UBE2D2: variants seen among roughly 807,000 people sequenced by gnomAD.
The protein encoded by UBE2D2 is ubiquitin-conjugating enzyme E2 D2.
Under a neutral mutation model 24.2 loss-of-function variants are expected in UBE2D2, and 2 were observed. The ratio of observed to expected loss-of-function variants is 0.08; its 90% CI spans 0.03 to 0.26. UBE2D2 has a LOEUF of 0.26. UBE2D2 is among the 10% of genes least tolerant of loss of function. UBE2D2 has a pLI of 1.00. For synonymous variants in UBE2D2, 58 were observed against 56.5 expected (o/e 1.03, Z -0.12); for missense variants, 44 against 177.6 (o/e 0.25, Z 4.28).
At chr5:139,608,946 G>A (rs1754255888) in intron 2 of UBE2D2, among the ~76,000 whole-genome samples, 1 of 152,026 alleles carries the variant, frequency 6.6e-6, no homozygotes, top group Non-Finnish European at 1.5e-5. Flanking sequence ...AATTAGTCAG[G>A]TGTGGTGGCA....
intron 1 of UBE2D2, 78 bp downstream of exon 1, chr5:139,561,893 G>T: frequency 7.0e-7 from 1 of 1,429,824 alleles, no homozygotes; most frequent in Non-Finnish European, 9.1e-7. Flanking sequence ...AGTCTCCGTC[G>T]GGCTCGCGGC....
chr5:139,616,092 C>T (rs892527031), intron 5 of UBE2D2, among the ~76,000 whole-genome samples: 1 of 150,654 alleles, frequency 6.6e-6, no homozygotes, highest in African/African-American at 2.4e-5. Context: ...CCTCGGCCTC[C>T]CAAAGCGCTG....
intron 1 of UBE2D2, among the ~76,000 whole-genome samples, chr5:139,580,012 C>T (rs1480250999): frequency 6.6e-6 from 1 of 150,432 alleles, no homozygotes. Context: ...TGCCGTTGCA[C>T]ACCTGCCTGG....
chr5:139,546,162 A>G (rs1174788463), intron 1 of UBE2D2, among the ~76,000 whole-genome samples: 3 of 145,430 alleles, frequency 2.1e-5, no homozygotes, highest in African/African-American at 2.6e-5. Context: ...TCCTGCCTCA[A>G]CCTCCCAAGT....
chr5:139,575,316 A>T (rs1753444046), intron 1 of UBE2D2, among the ~76,000 whole-genome samples: 1 of 152,146 alleles, frequency 6.6e-6, no homozygotes, highest in Non-Finnish European at 1.5e-5. Context: ...TAAGTTTTTA[A>T]ATATTATCAT....
intron 1 of UBE2D2, among the ~76,000 whole-genome samples, chr5:139,588,021 C>G (rs1278689240): frequency 6.6e-6 from 1 of 152,152 alleles, no homozygotes; most frequent in Non-Finnish European, 1.5e-5. Context: ...CCAGCTAGTC[C>G]TGTCTCTCCA....
At chr5:139,571,842 C>G (rs990439757) in intron 1 of UBE2D2, among the ~76,000 whole-genome samples, 1 of 149,942 alleles carries the variant, frequency 6.7e-6, no homozygotes, top group Non-Finnish European at 1.5e-5. Flanking sequence ...TGTTTTTGCT[C>G]TCCGGTAATT....
chr5:139,570,296 A>G (rs1753322929), intron 1 of UBE2D2, among the ~76,000 whole-genome samples: 1 of 151,946 alleles, frequency 6.6e-6, no homozygotes, highest in African/African-American at 2.4e-5. Context: ...ACAACAAAAC[A>G]ACTATTGCAA....
chr5:139,623,319 A>G, intron 5 of UBE2D2, 49 bp from the exon 6 acceptor site: 1 of 1,408,256 alleles, frequency 7.1e-7, no homozygotes, highest in Non-Finnish European at 9.8e-7. Flanking sequence ...GTTTCTCTCA[A>G]CCCTTTGCTT....
intron 1 of UBE2D2, among the ~76,000 whole-genome samples, chr5:139,551,617 C>G (rs1316250136): frequency 6.6e-6 from 1 of 152,196 alleles, no homozygotes; most frequent in African/African-American, 2.4e-5. Flanking sequence ...CAACAAGTGT[C>G]TCTGAGATGC....
intron 1 of UBE2D2, among the ~76,000 whole-genome samples, chr5:139,567,965 C>G (rs1018218056): frequency 6.6e-6 from 1 of 152,178 alleles, no homozygotes; most frequent in African/African-American, 2.4e-5. Flanking sequence ...TGACAATACA[C>G]TTTGAAAATG....
chr5:139,571,325 T>C (rs559158118), intron 1 of UBE2D2, among the ~76,000 whole-genome samples: 1 of 150,960 alleles, frequency 6.6e-6, no homozygotes, highest in South Asian at 2.1e-4. Context: ...GAGAATCACT[T>C]GAACCCAAGA....
chr5:139,596,899 T>G (rs988683502), intron 1 of UBE2D2, among the ~76,000 whole-genome samples: 1 of 151,592 alleles, frequency 6.6e-6, no homozygotes, highest in Non-Finnish European at 1.5e-5. Flanking sequence ...CAAAAAAAAT[T>G]AGCCCGGCGT....
chr5:139,614,803 A>C, intron 4 of UBE2D2, 29 bp downstream of exon 4: 1 of 1,612,782 alleles, frequency 6.2e-7, no homozygotes, highest in Non-Finnish European at 8.5e-7. Context: ...GCAGTTTTTA[A>C]TGTACTTTCT....
chr5:139,593,724 A>G (rs1426573232), intron 1 of UBE2D2, among the ~76,000 whole-genome samples: 1 of 151,656 alleles, frequency 6.6e-6, no homozygotes, highest in African/African-American at 2.4e-5. Flanking sequence ...CAATCCTCCT[A>G]CCTCAGCCTC....
intron 1 of UBE2D2, among the ~76,000 whole-genome samples, chr5:139,584,459 C>T (rs1753674150): frequency 8.7e-6 from 1 of 114,844 alleles, no homozygotes; most frequent in Non-Finnish European, 1.7e-5. Flanking sequence ...TGCTAAAGTA[C>T]TCAAAGAAAC....
At chr5:139,614,464 C>A in intron 2 of UBE2D2, 122 bp from the exon 3 acceptor site, 1 of 1,145,042 alleles carries the variant, frequency 8.7e-7, no homozygotes, top group Non-Finnish European at 1.3e-6. Flanking sequence ...CCTCATCTTG[C>A]TCATACTCAT....
intron 1 of UBE2D2, chr5:139,600,156 A>T (rs1159806232): frequency 3.1e-6 from 2 of 635,940 alleles, no homozygotes; most frequent in Admixed American, 4.5e-5. Flanking sequence ...AGCTCTGAAC[A>T]AAGCAAAAAT....
At chr5:139,590,782 C>CTTTTTTTTTTTTTTTTTTTTT (rs57962602) in intron 1 of UBE2D2, among the ~76,000 whole-genome samples, 3 of 38,422 alleles carry the variant, frequency 7.8e-5, no homozygotes, top group Non-Finnish European at 1.5e-4. Context: ...TTCTCTTCTT[C>CTTTTTTTTTTTTTTTTTTTTT]TTTTTTTTTT....
Sources: allele counts gnomAD v4.1 joint callset (sites outside exome capture counted in the v4.1 genomes callset), GRCh38; gene constraint gnomAD v4.1.1; transcripts MANE v1.5; gene names NCBI Gene and HGNC (gene_info 2026-07-23, HGNC 2026-07-21).